Variants in PLEK observed in about 807,000 individuals in gnomAD.
The protein encoded by PLEK is pleckstrin.
Under a neutral mutation model 43.9 loss-of-function variants are expected in PLEK, and 25 were observed. The observed-to-expected ratio is 0.57, with a 90% CI of 0.41 to 0.79. The LOEUF is 0.79. Ranked by LOEUF, PLEK falls within the 30% of genes least tolerant of loss-of-function variation. The probability of loss-of-function intolerance (pLI) is 0.00; values close to 1 mark genes in which losing one functional copy is unlikely to be tolerated. For synonymous variants in PLEK, 152 were observed against 144.4 expected (o/e 1.05, Z -0.38); for missense variants, 396 against 413.3 (o/e 0.96, Z 0.36).
At chr2:68,385,480 C>G (rs759721306) in intron 4 of PLEK, among the ~76,000 whole-genome samples, 1 of 152,184 alleles carries the variant, frequency 6.6e-6, no homozygotes, top group Non-Finnish European at 1.5e-5. Context: ...ACATTATTTC[C>G]TATTTAAAAA....
chr2:68,378,900 C>T (rs1673557149), intron 1 of PLEK, among the ~76,000 whole-genome samples: 1 of 151,946 alleles, frequency 6.6e-6, no homozygotes, highest in South Asian at 2.1e-4. Flanking sequence ...GAGGCTGAGG[C>T]AGAAGGAACA....
chr2:68,390,622 C>T (rs1160961840), intron 6 of PLEK, among the ~76,000 whole-genome samples: 1 of 152,166 alleles, frequency 6.6e-6, no homozygotes, highest in Non-Finnish European at 1.5e-5. Context: ...CCATAGTTTA[C>T]ATCAAAATCA....
chr2:68,370,777 G>A (rs1003896656), intron 1 of PLEK, among the ~76,000 whole-genome samples: 5 of 152,108 alleles, frequency 3.3e-5, no homozygotes, highest in African/African-American at 7.2e-5. Flanking sequence ...TGAGTACTGC[G>A]CTCAGAGTTG....
At position 68,397,442 on chromosome 2, in the gene PLEK, C is replaced by A. The variant is rs543252466; in HGVS notation, c.*1626C>A. On this transcript the variant is annotated 3_prime_UTR_variant, in exon 9 of 9. Transcript: ENST00000234313. ...AATGTTTTGAAATAAATATATGACT[C>A]TGTTTAATGCATTTTTGGTGTGATG... is the stretch of plus-strand genomic sequence containing the variant. The A allele has an allele frequency of 1.3e-5, 2 of 152,258 alleles. No individual in the cohort carries two copies. The highest frequency in any genetic ancestry group is 4.8e-5 in the African/African-American group (2 of 41,546). 9.4% of individuals were successfully genotyped at this position (152,258 alleles called of 1,614,324 possible). A position where few individuals can be genotyped will look rare whatever the true frequency, so the allele number is the denominator to read the frequency against.
rs1673951613 is a variant in PLEK, at chr2:68,395,778, A to G, written c.1015A>G (p.Ile339Val). The G allele has an allele frequency of 6.2e-7, 1 of 1,613,668 alleles. No individual in the cohort carries two copies. The highest frequency in any genetic ancestry group is 8.5e-7 in the Non-Finnish European group (1 of 1,179,746). Reference protein sequence around the residue: ...AATPKERTEWIRAIQMASRTG... With the variant: ...AATPKERTEWVRAIQMASRTG... ...CACCCCCAAGGAGCGCACAGAGTGG[A>G]TCAGAGCCATCCAGATGGCCTCCCG... is the stretch of plus-strand genomic sequence containing the variant. The change falls in exon 9 of 9, where the codon ATC becomes GTC. Residue 339 changes from isoleucine (I) to valine (V), a missense_variant. Transcript: ENST00000234313.
chr2:68,372,874 A>G (rs7594784), intron 1 of PLEK, among the ~76,000 whole-genome samples: 80,172 of 152,026 alleles, frequency 0.53, 22,707 homozygotes, highest in East Asian at 0.76. Flanking sequence ...GGGGAAGGGA[A>G]AAAACATAAA....
At chr2:68,378,300 T>A (rs1673544916) in intron 1 of PLEK, among the ~76,000 whole-genome samples, 1 of 152,156 alleles carries the variant, frequency 6.6e-6, no homozygotes, top group Non-Finnish European at 1.5e-5. Context: ...AGGTTCGAGT[T>A]TTGACCCCAA....
chr2:68,365,514 T>A, intron 1 of PLEK, 121 bp downstream of exon 1: 1 of 795,756 alleles, frequency 1.3e-6, no homozygotes, highest in Non-Finnish European at 2.2e-6. Flanking sequence ...TGGGTTGAAA[T>A]AGGGGAGCGT....
At chr2:68,366,635 G>A (rs1673279677) in intron 1 of PLEK, among the ~76,000 whole-genome samples, 1 of 152,188 alleles carries the variant, frequency 6.6e-6, no homozygotes, top group East Asian at 1.9e-4. Flanking sequence ...TGGTACTGGA[G>A]AATAAGTGGG....
intron 1 of PLEK, among the ~76,000 whole-genome samples, chr2:68,377,467 C>T (rs1043787286): frequency 2.0e-5 from 3 of 152,146 alleles, no homozygotes; most frequent in Non-Finnish European, 4.4e-5. Context: ...GCCATTTTGA[C>T]TGAGATGAGC....
chr2:68,386,255 T>A (rs1673739128), intron 4 of PLEK, among the ~76,000 whole-genome samples: 1 of 152,154 alleles, frequency 6.6e-6, no homozygotes, highest in Non-Finnish European at 1.5e-5. Flanking sequence ...TGTGCCACCA[T>A]ACCTGGTCAT....
At chr2:68,377,410 CTCCACA>C (rs1486189231) in intron 1 of PLEK, among the ~76,000 whole-genome samples, 5 of 152,200 alleles carry the variant, frequency 3.3e-5, no homozygotes, top group Non-Finnish European at 5.9e-5. Context: ...ATTGCCTTTT[CTCCACA>C]TCCTCAAAAA....
chr2:68,373,125 A>T (rs976522110), intron 1 of PLEK, among the ~76,000 whole-genome samples: 5 of 152,132 alleles, frequency 3.3e-5, no homozygotes, highest in African/African-American at 1.2e-4. Context: ...AGAAAAGGAA[A>T]AATTTAGGAA....
At chr2:68,380,990 AC>A (rs750071527) in intron 3 of PLEK, 86 bp downstream of exon 3, 173 of 1,137,662 alleles carry the variant, frequency 1.5e-4, no homozygotes, top group Admixed American at 9.4e-4. Context: ...TGCTTTGACC[AC>A]CTCTGATGTT....
chr2:68,365,334 T>G lies in PLEK; in HGVS notation c.-18T>G. The G allele has an allele frequency of 6.2e-7, 1 of 1,613,090 alleles. No homozygotes were observed. Among genetic ancestry groups the G allele is most frequent in the Non-Finnish European group, 8.5e-7 (1 of 1,179,154 alleles). On this transcript the variant is annotated 5_prime_UTR_variant, in exon 1 of 9. Coordinates refer to ENST00000234313, the MANE Select transcript of PLEK (RefSeq NM_002664.3). ...GAGTTGCCTGAGAGTGACCTTTGCA[T>G]CTGCCTGTCCAGCCAGCATGGAACC...
chr2:68,393,100 GT>G (rs1673891927), intron 6 of PLEK, 61 bp from the exon 7 acceptor site: 2 of 962,030 alleles, frequency 2.1e-6, no homozygotes, highest in South Asian at 2.6e-5. Flanking sequence ...TGTAGGTATT[GT>G]TTGTACAGAG....
intron 6 of PLEK, among the ~76,000 whole-genome samples, chr2:68,389,914 G>A (rs1331906043): frequency 6.6e-6 from 1 of 152,096 alleles, no homozygotes; most frequent in East Asian, 1.9e-4. Flanking sequence ...GAGTAACTTG[G>A]GAGGAAATTT....
At chr2:68,380,216 A>T in intron 1 of PLEK, 112 bp from the exon 2 acceptor site, 1 of 830,402 alleles carries the variant, frequency 1.2e-6, no homozygotes, top group South Asian at 1.9e-5. Flanking sequence ...AGATGATGTC[A>T]CCAAACATTT....
In PLEK at chr2:68,396,006, C is replaced by T; in HGVS notation, c.*190C>T. On this transcript the variant is annotated 3_prime_UTR_variant, in exon 9 of 9. Transcript: ENST00000234313. ...CCCTGCATTGTATTGCTCACTGCAG[C>T]CCCTCTGCCCCTATCCATGACCCCC... is the stretch of plus-strand genomic sequence containing the variant. 3.4e-6 allele frequency: 2 copies of T among 580,796 alleles called. No homozygotes were observed. The highest frequency in any genetic ancestry group is 2.9e-5 in the East Asian group (1 of 35,010). 36.0% of individuals were successfully genotyped at this position (580,796 alleles called of 1,614,324 possible).
Sources: allele counts gnomAD v4.1 joint callset (sites outside exome capture counted in the v4.1 genomes callset), GRCh38; gene constraint gnomAD v4.1.1; transcripts MANE v1.5; gene names NCBI Gene and HGNC (gene_info 2026-07-23, HGNC 2026-07-21).